Variants in ADAM22 observed in about 807,000 individuals in gnomAD.
ADAM22 encodes ADAM metallopeptidase domain 22.
Under a neutral mutation model 144.6 loss-of-function variants are expected in ADAM22, and 65 were observed. That is an observed-to-expected ratio of 0.45 (90% confidence interval 0.37 to 0.55). ADAM22 has a LOEUF of 0.55. Ranked by LOEUF, ADAM22 falls within the 20% of genes least tolerant of loss-of-function variation. ADAM22 has a pLI of 0.00. For synonymous variants in ADAM22, 391 were observed against 412.6 expected (o/e 0.95, Z 0.63); for missense variants, 974 against 1,184.9 (o/e 0.82, Z 2.61).
At chr7:87,960,390 G>GTGTA in intron 2 of ADAM22, among the ~76,000 whole-genome samples, 1 of 151,732 alleles carries the variant, frequency 6.6e-6, no homozygotes. Flanking sequence ...GTGTGTGTGT[G>GTGTA]TGTGTGTCTG....
At chr7:87,967,807 CAAAAAAA>C (rs35787636) in intron 2 of ADAM22, among the ~76,000 whole-genome samples, 6 of 60,952 alleles carry the variant, frequency 9.8e-5, no homozygotes, top group Admixed American at 6.8e-4. Flanking sequence ...GACTCTGTCT[CAAAAAAA>C]AAAAAAAAAA....
chr7:87,973,924 A>T (rs1039084601), intron 2 of ADAM22, among the ~76,000 whole-genome samples: 1 of 150,694 alleles, frequency 6.6e-6, no homozygotes, highest in African/African-American at 2.4e-5. Flanking sequence ...AACATCACAC[A>T]CCGGGGACTG....
At chr7:88,174,397 T>C (rs1215715718) in intron 26 of ADAM22, among the ~76,000 whole-genome samples, 2 of 148,774 alleles carry the variant, frequency 1.3e-5, no homozygotes, top group South Asian at 2.3e-4. Flanking sequence ...ATGGGCAGAA[T>C]TGTGGAACAA....
chr7:87,943,067 C>T (rs1842782528), intron 2 of ADAM22, among the ~76,000 whole-genome samples: 1 of 150,898 alleles, frequency 6.6e-6, no homozygotes, highest in African/African-American at 2.4e-5. Flanking sequence ...TGCAAGCAAA[C>T]ATTGGGGGAA....
intron 3 of ADAM22, among the ~76,000 whole-genome samples, chr7:88,018,831 A>G (rs1469561271): frequency 6.6e-6 from 1 of 152,218 alleles, no homozygotes; most frequent in Non-Finnish European, 1.5e-5. Flanking sequence ...TTTACATGGC[A>G]ATCTATAGGA....
At chr7:88,008,053 GA>G (rs2129458774) in intron 3 of ADAM22, among the ~76,000 whole-genome samples, 1 of 152,124 alleles carries the variant, frequency 6.6e-6, no homozygotes, top group South Asian at 2.1e-4. Context: ...AAATTTACAA[GA>G]AAAAAACAAA....
intron 26 of ADAM22, among the ~76,000 whole-genome samples, chr7:88,173,223 A>T (rs567640371): frequency 6.6e-6 from 1 of 152,184 alleles, no homozygotes; most frequent in Non-Finnish European, 1.5e-5. Context: ...TTTCACATGA[A>T]GAATCTCCTT....
rs1842125432 is a variant in ADAM22 at position 88,163,067 on chromosome 7, A to T, written c.1963A>T (p.Thr655Ser). 1 of 1,611,690 alleles carries T rather than the reference A, an allele frequency of 6.2e-7. No individual in the cohort carries two copies. Among genetic ancestry groups the T allele is most frequent in the African/African-American group, 1.3e-5 (1 of 74,780 alleles). ...AGATCTTGGCTATGTGGAAGATGGG[A>T]CACCTTGTGGTCCCCAAATGATGTG... ...DVDLGYVEDGTPCGPQMMCLE... is the reference protein window; with the variant it reads ...DVDLGYVEDGSPCGPQMMCLE... Residue 655 changes from threonine (T) to serine (S), a missense_variant, in exon 23 of 32, where the codon ACA (threonine) becomes TCA (serine). Thr to Ser is a moderately conservative substitution (Grantham distance 58, BLOSUM62 1). This residue lies in a region of ADAM22 where 734 missense variants were observed against 950.6 expected (regional missense o/e 0.77). Transcript: ENST00000413139.
intron 2 of ADAM22, among the ~76,000 whole-genome samples, chr7:87,952,806 G>A (rs1845607266): frequency 2.0e-5 from 3 of 152,082 alleles, no homozygotes; most frequent in Admixed American, 1.3e-4. Flanking sequence ...ATTGATTATT[G>A]CCACAATTTC....
intron 3 of ADAM22, among the ~76,000 whole-genome samples, chr7:88,055,106 GAT>G (rs57768290): frequency 2.7e-5 from 4 of 149,488 alleles, no homozygotes; most frequent in Non-Finnish European, 1.5e-5. Flanking sequence ...ACAAATATCA[GAT>G]ATATATATAT....
Position 87,935,028 on chromosome 7 carries a change from G to A in ADAM22, c.88G>A (p.Asp30Asn), listed in dbSNP as rs376322147. Residue 30 changes from aspartate to asparagine, a missense_variant and splice_region_variant, in exon 2 of 32, where the codon GAC becomes AAC. Transcript: ENST00000413139. The stretch of plus-strand genomic sequence containing the variant: ...CCTTTCCCGGTTCCTGCCTGGAGGA[G>A]ACGCCTCATTGATGGAGCTAGAGAA... ...CPPARCGQAG[D>N]ASLMELEKRK... 1 of 1,614,064 alleles carries A rather than the reference G, an allele frequency of 6.2e-7. No homozygotes were observed. The highest frequency in any genetic ancestry group is 1.3e-5 in the African/African-American group (1 of 74,948).
chr7:88,155,240 TTGTC>T (rs1010211818), intron 21 of ADAM22, among the ~76,000 whole-genome samples: 4 of 151,710 alleles, frequency 2.6e-5, no homozygotes, highest in African/African-American at 9.7e-5. Context: ...AAAAAAAAAA[TTGTC>T]TGGGCACAGC....
At chr7:88,168,358 C>G in intron 25 of ADAM22, 131 bp downstream of exon 25, 1 of 860,784 alleles carries the variant, frequency 1.2e-6, no homozygotes, top group Middle Eastern at 2.2e-4. Flanking sequence ...GGCTCAGCAG[C>G]CAGTCAATGC....
At chr7:87,972,357 C>T (rs1463779170) in intron 2 of ADAM22, among the ~76,000 whole-genome samples, 1 of 151,294 alleles carries the variant, frequency 6.6e-6, no homozygotes, top group Non-Finnish European at 1.5e-5. Flanking sequence ...AATAAAATAC[C>T]TAGGAATCCA....
intron 3 of ADAM22, among the ~76,000 whole-genome samples, chr7:88,069,036 T>C (rs1327068996): frequency 1.3e-5 from 2 of 152,108 alleles, no homozygotes; most frequent in Non-Finnish European, 2.9e-5. Context: ...CTCACAGGCC[T>C]GGGATTGGTG....
At chr7:87,990,526 C>T (rs1789539366) in intron 3 of ADAM22, among the ~76,000 whole-genome samples, 1 of 152,132 alleles carries the variant, frequency 6.6e-6, no homozygotes, top group Non-Finnish European at 1.5e-5. Context: ...ATCCCACAAT[C>T]CTCCAATGTA....
chr7:88,081,337 A>G (rs1816554007), intron 4 of ADAM22, among the ~76,000 whole-genome samples: 2 of 152,162 alleles, frequency 1.3e-5, no homozygotes, highest in South Asian at 2.1e-4. Context: ...GATGGGACGT[A>G]TCTCAAAATA....
At chr7:87,946,513 G>A (rs1272384741) in intron 2 of ADAM22, among the ~76,000 whole-genome samples, 2 of 152,176 alleles carry the variant, frequency 1.3e-5, no homozygotes, top group Admixed American at 6.5e-5. Flanking sequence ...GAAGCATCTT[G>A]AGTTAATTTT....
intron 3 of ADAM22, among the ~76,000 whole-genome samples, chr7:88,025,703 T>A (rs1798866448): frequency 6.6e-6 from 1 of 152,262 alleles, no homozygotes; most frequent in Non-Finnish European, 1.5e-5. Context: ...TTCTTGGTTC[T>A]CTATTTTTTT....
Sources: gnomAD v4.1 joint callset for allele counts (sites outside exome capture counted in the v4.1 genomes callset) on GRCh38, gnomAD v4.1.1 for gene constraint, gnomAD v4.1.1 regional missense constraint, MANE v1.5 for transcripts, NCBI Gene and HGNC (gene_info 2026-07-23, HGNC 2026-07-21) for gene names.